Variants in ACAN observed in about 807,000 individuals in gnomAD.
ACAN encodes aggrecan, also known as aggrecan core protein.
In ACAN, 47 loss-of-function variants were observed where a neutral mutation model predicts 169.1. That is an observed-to-expected ratio of 0.28 (90% CI 0.22 to 0.35). The LOEUF is 0.35. ACAN is among the 10% of genes least tolerant of loss of function. The probability of loss-of-function intolerance (pLI) is 1.00; values close to 1 mark genes in which losing one functional copy is unlikely to be tolerated. For synonymous variants in ACAN, 1,115 were observed against 1,112.2 expected, an observed-to-expected ratio of 1.00 and a Z score of -0.05; for missense variants, 2,716 against 2,759.9, an observed-to-expected ratio of 0.98 and a Z score of 0.36.
At chr15:88,819,328 TG>T (rs1339767321) in intron 1 of ACAN, among the ~76,000 whole-genome samples, 2 of 152,170 alleles carry the variant, frequency 1.3e-5, no homozygotes, top group Admixed American at 1.3e-4. Flanking sequence ...TCTCCTCTTC[TG>T]GGGTTGGAGG....
At chr15:88,850,943 CAAA>C (rs553780362) in intron 10 of ACAN, 5 of 106,072 alleles carry the variant, frequency 4.7e-5, no homozygotes, top group Admixed American at 1.0e-4. Flanking sequence ...GACTCTGTCT[CAAA>C]AAAAAAAAAA....
rs1896565789 is a variant in ACAN at position 88,838,643 on chromosome 15, A to AC, written c.71-16dup. 1 of 1,559,164 alleles carries AC rather than the reference A, an allele frequency of 6.4e-7. No homozygotes were observed. On this transcript the variant is annotated intron_variant, in intron 2 of 18. Transcript: ENST00000560601. This position sits in a 1 kb window ranked among gnomAD's most constrained non-coding sequence, Gnocchi z 5.1. Reference sequence around the variant, plus strand: ...CTAGGCACTAACAGGTCTCTCTTCTACCCCACCTCTCCCACACAGACCATG... The same window carrying AC: ...CTAGGCACTAACAGGTCTCTCTTCTACCCCCACCTCTCCCACACAGACCATG...
chr15:88,849,397 G>C lies in ACAN; in HGVS notation c.1733-41G>C, dbSNP rs1896874501. The stretch of plus-strand genomic sequence containing the variant: ...GTGGGCAGGGATGGACCTGGCCTGA[G>C]TGTGGGGGGGTCATATTCTACCCCT... On this transcript the variant is annotated intron_variant, in intron 9 of 18. Coordinates refer to ENST00000560601, the MANE Select transcript of ACAN (RefSeq NM_001369268.1). This position sits in a 1 kb window ranked among gnomAD's most constrained non-coding sequence, Gnocchi z 5.1. 1.3e-6 allele frequency: 2 copies of C among 1,516,496 alleles called. No individual in the cohort carries two copies. The highest frequency in any genetic ancestry group is 1.3e-5 in the South Asian group (1 of 76,670). The allele number at this position is 1,516,496 out of a possible 1,614,324, so 93.9% of individuals were successfully genotyped here. A position where few individuals can be genotyped will look rare whatever the true frequency, so the allele number is the denominator to read the frequency against.
At chr15:88,836,771 C>G (rs1054804070) in intron 2 of ACAN, among the ~76,000 whole-genome samples, 1 of 152,222 alleles carries the variant, frequency 6.6e-6, no homozygotes, top group Admixed American at 6.5e-5. Flanking sequence ...AGCCTGGTCT[C>G]GTGCATGTGG....
chr15:88,842,784 G>A (rs571398191), intron 5 of ACAN, among the ~76,000 whole-genome samples: 29 of 152,240 alleles, frequency 1.9e-4, no homozygotes, highest in South Asian at 1.7e-3. Context: ...AGTGGATGCC[G>A]TCCGCCCCCA....
At position 88,843,643 on chromosome 15, in the gene ACAN, A is replaced by G. The variant is rs79832113; in HGVS notation, c.1046A>G (p.Tyr349Cys). 53 of 1,575,238 alleles carry G rather than the reference A, an allele frequency of 3.4e-5. No individual in the cohort carries two copies. In the East Asian group the frequency reaches 1.2e-3, roughly 36 times the overall value. Residue 349 changes from tyrosine (Y) to cysteine (C), a missense_variant, in exon 6 of 19, where the codon TAC becomes TGC. Coordinates refer to ENST00000560601, the MANE Select transcript of ACAN (RefSeq NM_001369268.1). This position sits in a 1 kb window ranked among gnomAD's most constrained non-coding sequence, Gnocchi z 4.0. ...TCATCCCGCTACGACGCCATCTGCT[A>G]CACAGGTGGGGCACGGCTGGTGGTG... ...DPSSRYDAIC[Y>C]TGEDFVDIPE...
rs1897015690 is a variant in ACAN, at chr15:88,855,001, T to C, written c.2416T>C (p.Phe806Leu). 7 of 1,595,854 alleles carry C rather than the reference T, an allele frequency of 4.4e-6. No homozygotes were observed. Among genetic ancestry groups the C allele is most frequent in the Non-Finnish European group, 6.0e-6 (7 of 1,172,018 alleles). Reference sequence around the variant, plus strand: ...GGAGCCATCCCCCTCAGAGGAACCATTCCCCTCAGTGAGGCCATTCCCCTC... The same window carrying C: ...GGAGCCATCCCCCTCAGAGGAACCACTCCCCTCAGTGAGGCCATTCCCCTC... The part of the protein sequence containing the change: ...SEEPSPSEEP[F>L]PSVRPFPSVE... Residue 806 changes from phenylalanine to leucine, a missense_variant, in exon 12 of 19, where the codon TTC becomes CTC. Transcript: ENST00000560601.
In ACAN at chr15:88,839,951, C is replaced by G; in HGVS notation, c.455-61C>G. ...TATTGCCATAATTCTGCGAGGGCCTCGGTGATCAGAGACTGTGCCTGACCA... is the reference window on the plus strand; with the variant it reads ...TATTGCCATAATTCTGCGAGGGCCTGGGTGATCAGAGACTGTGCCTGACCA... On this transcript the variant is annotated intron_variant, in intron 3 of 18. Transcript: ENST00000560601. This position sits in a 1 kb window ranked among gnomAD's most constrained non-coding sequence, Gnocchi z 4.5. 1.3e-6 allele frequency: 2 copies of G among 1,543,932 alleles called. No homozygotes were observed. Among genetic ancestry groups the G allele is most frequent in the Non-Finnish European group, 1.8e-6 (2 of 1,139,044 alleles).
Position 88,843,848 on chromosome 15 carries a change from G to T in ACAN, c.1051+200G>T, listed in dbSNP as rs773893480. Among the ~76,000 whole-genome samples, 1 of 152,182 alleles carries T rather than the reference G, an allele frequency of 6.6e-6. No homozygotes were observed. Among genetic ancestry groups the T allele is most frequent in the African/African-American group, 2.4e-5 (1 of 41,432 alleles). On this transcript the variant is annotated intron_variant, in intron 6 of 18. Transcript: ENST00000560601. This position sits in a 1 kb window ranked among gnomAD's most constrained non-coding sequence, Gnocchi z 4.0. The stretch of plus-strand genomic sequence containing the variant: ...AGGTAGAGACTCTTGAGACTGCAGC[G>T]TATCTAGCTCTGTCTCATCGGATCA...
intron 7 of ACAN, among the ~76,000 whole-genome samples, chr15:88,846,615 A>G (rs1235235717): frequency 6.6e-6 from 1 of 152,254 alleles, no homozygotes; most frequent in African/African-American, 2.4e-5. Flanking sequence ...AAAAGAAAAG[A>G]AACAATAACA....
chr15:88,810,061 C>T (rs1895780896), intron 1 of ACAN, among the ~76,000 whole-genome samples: 1 of 152,126 alleles, frequency 6.6e-6, no homozygotes, highest in Non-Finnish European at 1.5e-5. Context: ...CATGGGTCAC[C>T]ACAGCGTCTT....
intron 9 of ACAN, among the ~76,000 whole-genome samples, chr15:88,848,711 G>A (rs1022587473): frequency 2.0e-5 from 3 of 152,074 alleles, no homozygotes; most frequent in Non-Finnish European, 4.4e-5. Flanking sequence ...CGCAATTTTG[G>A]AAATGCTGGT....
intron 1 of ACAN, among the ~76,000 whole-genome samples, chr15:88,824,332 AAC>A (rs1896155781): frequency 2.1e-5 from 2 of 93,494 alleles, no homozygotes; most frequent in Admixed American, 9.5e-5. Flanking sequence ...AAAAAAAAAC[AAC>A]AACAACAACA....
intron 6 of ACAN, 132 bp from the exon 7 acceptor site, chr15:88,845,373 C>G: frequency 7.4e-7 from 1 of 1,354,864 alleles, no homozygotes. Context: ...GGCAAGGTGC[C>G]TGGCACACAG....
rs71462461 is a variant in ACAN, at chr15:88,807,747, A to AGAGTGTGT, written c.-8+3939_-8+3940insAGTGTGTG. On this transcript the variant is annotated intron_variant, in intron 1 of 18. Transcript: ENST00000560601. This position sits in a 1 kb window ranked among gnomAD's most constrained non-coding sequence, Gnocchi z 4.0. ...CTCAGAGCCTCCTTATAAGTGGTGGAGTGTGTGTGTGTGTGTGTGTGTGTG... is the reference window on the plus strand; with the variant it reads ...CTCAGAGCCTCCTTATAAGTGGTGGAGAGTGTGTGTGTGTGTGTGTGTGTGTGTGTGTG... Among the ~76,000 whole-genome samples, 304 of 142,092 alleles carry AGAGTGTGT rather than the reference A, an allele frequency of 2.1e-3. 5 individuals carry two copies. The highest frequency in any genetic ancestry group is 1.7e-3 in the Non-Finnish European group (114 of 65,318). 93.2% of individuals were successfully genotyped at this position (142,092 alleles called of 152,430 possible). A position where few individuals can be genotyped will look rare whatever the true frequency, so the allele number is the denominator to read the frequency against.
intron 1 of ACAN, among the ~76,000 whole-genome samples, chr15:88,833,917 AG>A (rs1896433667): frequency 2.6e-5 from 4 of 152,180 alleles, no homozygotes; most frequent in Non-Finnish European, 2.9e-5. Context: ...GGGTGTTCTG[AG>A]GGAAGAACAG....
In ACAN at chr15:88,855,308, T is replaced by G. The variant is rs1314009400; in HGVS notation, c.2723T>G (p.Val908Gly). 2 of 1,611,742 alleles carry G rather than the reference T, an allele frequency of 1.2e-6. No homozygotes were observed. Among genetic ancestry groups the G allele is most frequent in the Admixed American group, 3.3e-5 (2 of 59,996 alleles). ...DLDSSGLTSTVGSGLPVESGL... is the reference protein window; with the variant it reads ...DLDSSGLTSTGGSGLPVESGL... ...GACTCCAGTGGTCTTACTTCCACAG[T>G]GGGCTCAGGCCTGCCTGTGGAAAGT... Residue 908 changes from valine to glycine, a missense_variant, in exon 12 of 19, where the codon GTG (valine) becomes GGG (glycine). Transcript: ENST00000560601.
intron 1 of ACAN, among the ~76,000 whole-genome samples, chr15:88,819,217 C>T (rs991802806): frequency 1.3e-5 from 2 of 152,108 alleles, no homozygotes; most frequent in East Asian, 1.9e-4. Context: ...AACAAAGTGT[C>T]GGGGGGCAAC....
In ACAN at chr15:88,872,196, G is replaced by T; in HGVS notation, c.7302+111G>T. 1 of 939,316 alleles carries T rather than the reference G, an allele frequency of 1.1e-6. No homozygotes were observed. Among genetic ancestry groups the T allele is most frequent in the Non-Finnish European group, 1.7e-6 (1 of 595,394 alleles). The allele number at this position is 939,316 out of a possible 1,614,324, so 58.2% of individuals were successfully genotyped here. ...TGCAGACAGCCGCTTACCAGCTGCT[G>T]GACCGGGAACCCTTGAGGGCAGGGA... On this transcript the variant is annotated intron_variant, in intron 16 of 18. Transcript: ENST00000560601. The surrounding 1 kb of genome is among the most constrained non-coding windows in gnomAD (Gnocchi z 5.4).
Sources: gnomAD v4.1 joint callset for allele counts (sites outside exome capture counted in the v4.1 genomes callset) on GRCh38, gnomAD v4.1.1 for gene constraint, Gnocchi (gnomAD v3.1) non-coding constraint, MANE v1.5 for transcripts, NCBI Gene and HGNC (gene_info 2026-07-23, HGNC 2026-07-21) for gene names.